Variants in SLC1A7 observed in about 807,000 individuals in gnomAD.
SLC1A7 encodes solute carrier family 1 member 7, also known as excitatory amino acid transporter 5.
SLC1A7 carries 40 observed loss-of-function variants against 47.7 expected under a neutral mutation model. The observed-to-expected ratio is 0.84, with a 90% CI of 0.65 to 1.09. SLC1A7 has a LOEUF of 1.09. Among genes scored for constraint, SLC1A7 ranks in the 50% least tolerant of loss-of-function variants. SLC1A7 has a pLI of 0.00. For synonymous variants in SLC1A7, 323 were observed against 325.6 expected, an observed-to-expected ratio of 0.99 and a Z score of 0.09; for missense variants, 746 against 769.5, an observed-to-expected ratio of 0.97 and a Z score of 0.36.
At chr1:53,122,822 G>A (rs1679977) in intron 2 of SLC1A7, among the ~76,000 whole-genome samples, 44,282 of 152,022 alleles carry the variant, frequency 0.29, 7,076 homozygotes, top group Non-Finnish European at 0.37. Context: ...AATGAAATCC[G>A]CCTCCGGGGA....
intron 5 of SLC1A7, among the ~76,000 whole-genome samples, chr1:53,099,492 C>T (rs987138843): frequency 2.0e-5 from 3 of 150,012 alleles, no homozygotes; most frequent in Admixed American, 6.6e-5. Flanking sequence ...TACACTCAAC[C>T]GCCTCAGTAC....
At chr1:53,092,907 G>A (rs1303025461) in intron 6 of SLC1A7, 120 bp from the exon 7 acceptor site, 17 of 554,894 alleles carry the variant, frequency 3.1e-5, no homozygotes, top group Non-Finnish European at 4.9e-5. Flanking sequence ...AGGACAGAGC[G>A]AGACTGCCAA....
intron 2 of SLC1A7, among the ~76,000 whole-genome samples, chr1:53,129,406 C>T (rs1644915849): frequency 6.6e-6 from 1 of 152,154 alleles, no homozygotes. Context: ...GCCCTGTAGC[C>T]TTTGCAGATT....
intron 3 of SLC1A7, among the ~76,000 whole-genome samples, chr1:53,106,599 C>CA (rs5774135): frequency 0.75 from 103,558 of 137,430 alleles, 41,160 homozygotes; most frequent in Non-Finnish European, 0.91. Context: ...GACACCGTCT[C>CA]AAAAAAAAAA....
intron 5 of SLC1A7, among the ~76,000 whole-genome samples, chr1:53,097,935 CGGT>C (rs1644517316): frequency 5.1e-5 from 2 of 39,430 alleles, no homozygotes; most frequent in Non-Finnish European, 3.4e-4. Context: ...CACCCCACCT[CGGT>C]ACACTCACAC....
At chr1:53,123,962 C>A (rs982628797) in intron 2 of SLC1A7, among the ~76,000 whole-genome samples, 4 of 152,220 alleles carry the variant, frequency 2.6e-5, no homozygotes, top group Non-Finnish European at 5.9e-5. Context: ...ACCGGTTTGG[C>A]CCTCTGGCCA....
At position 53,087,441 on chromosome 1, in the gene SLC1A7, C is replaced by A. The variant is rs572322392; in HGVS notation, c.*568G>T. On this transcript the variant is annotated 3_prime_UTR_variant, in exon 11 of 11. Coordinates refer to ENST00000371494, the MANE Select transcript of SLC1A7 (RefSeq NM_006671.6). Reference sequence around the variant, plus strand: ...GACATCTGTCTCCACATCCAAGGAGCTTTGCAAAAGACACGTGGCAGGACA... The same window carrying A: ...GACATCTGTCTCCACATCCAAGGAGATTTGCAAAAGACACGTGGCAGGACA... 2.0e-5 allele frequency: 3 copies of A among 152,442 alleles called. No homozygotes were observed. The highest frequency in any genetic ancestry group is 7.2e-5 in the African/African-American group (3 of 41,600). The allele number at this position is 152,442 out of a possible 1,614,324, so 9.4% of individuals were successfully genotyped here. A position where few individuals can be genotyped will look rare whatever the true frequency, so the allele number is the denominator to read the frequency against.
At chr1:53,098,392 ACACT>A (rs1421540676) in intron 5 of SLC1A7, among the ~76,000 whole-genome samples, 1 of 150,738 alleles carries the variant, frequency 6.6e-6, no homozygotes, top group African/African-American at 2.5e-5. Context: ...CCACCTTGGT[ACACT>A]CACACACTCC....
intron 5 of SLC1A7, among the ~76,000 whole-genome samples, chr1:53,100,626 C>T (rs1382782142): frequency 6.6e-6 from 1 of 151,134 alleles, no homozygotes; most frequent in African/African-American, 2.4e-5. Flanking sequence ...ACTCACACAA[C>T]CCGTCTCGGT....
chr1:53,090,008 G>A, intron 8 of SLC1A7, 74 bp from the exon 9 acceptor site: 1 of 1,547,896 alleles, frequency 6.5e-7, no homozygotes, highest in Non-Finnish European at 8.9e-7. Flanking sequence ...CTCCAAGGAA[G>A]AGGTTGAGTG....
At chr1:53,092,302 C>T (rs938235144) in intron 7 of SLC1A7, among the ~76,000 whole-genome samples, 3 of 152,264 alleles carry the variant, frequency 2.0e-5, no homozygotes, top group African/African-American at 4.8e-5. Context: ...TCTGCCCTGG[C>T]GCGTCGAGGC....
rs371777631 is a variant in SLC1A7 at position 53,141,897 on chromosome 1, C to T, written c.135+418G>A. ...GGCCTGCTGGCCTCTGCGCTCCGGC[C>T]GCTGCACCTGGCATCTGCTGTCACC... On this transcript the variant is annotated intron_variant, in intron 1 of 10. Transcript: ENST00000371494. Among the ~76,000 whole-genome samples the T allele has an allele frequency of 5.3e-5, 8 of 152,306 alleles. No individual in the cohort carries two copies. The East Asian group carries it at 1.5e-3, about 29-fold the overall frequency.
rs1644374579 is a variant in SLC1A7 at position 53,087,713 on chromosome 1, A to G, written c.*296T>C. ...TCAGAGCCTCAAGTCTGTCATCCAG[A>G]AAGTGGGGCCGGATAACCCCTGCCT... is the stretch of plus-strand genomic sequence containing the variant. On this transcript the variant is annotated 3_prime_UTR_variant, in exon 11 of 11. Coordinates refer to ENST00000371494, the MANE Select transcript of SLC1A7 (RefSeq NM_006671.6). 7.5e-6 allele frequency: 2 copies of G among 265,620 alleles called. No individual in the cohort carries two copies. The highest frequency in any genetic ancestry group is 1.7e-4 in the South Asian group (1 of 5,956). 16.5% of individuals were successfully genotyped at this position (265,620 alleles called of 1,614,324 possible).
At chr1:53,101,742 C>T (rs1260475644) in intron 5 of SLC1A7, among the ~76,000 whole-genome samples, 1 of 151,724 alleles carries the variant, frequency 6.6e-6, no homozygotes, top group Non-Finnish European at 1.5e-5. Context: ...TACACTCATA[C>T]ACCCTGCCTC....
chr1:53,096,617 CCACTT>C (rs937473401), intron 5 of SLC1A7, among the ~76,000 whole-genome samples: 2 of 150,316 alleles, frequency 1.3e-5, no homozygotes, highest in Non-Finnish European at 3.0e-5. Flanking sequence ...AACTTACACA[CCACTT>C]CAGTACACAT....
At chr1:53,089,084 T>C (rs2150312816) in intron 9 of SLC1A7, 105 bp from the exon 10 acceptor site, 1 of 882,598 alleles carries the variant, frequency 1.1e-6, no homozygotes, top group East Asian at 2.6e-5. Context: ...CCAGCTGTCA[T>C]GCAAAGCCTG....
At chr1:53,098,221 A>G (rs1258519158) in intron 5 of SLC1A7, among the ~76,000 whole-genome samples, 2 of 150,428 alleles carry the variant, frequency 1.3e-5, no homozygotes, top group East Asian at 3.9e-4. Flanking sequence ...ACCTTGGTAC[A>G]CTCACATGCC....
At chr1:53,134,921 A>C (rs758146083) in intron 1 of SLC1A7, among the ~76,000 whole-genome samples, 2 of 151,680 alleles carry the variant, frequency 1.3e-5, no homozygotes, top group Non-Finnish European at 2.9e-5. Context: ...AAGTTATGTG[A>C]ATGTGGTCTC....
At chr1:53,119,428 A>G (rs1257585521) in intron 2 of SLC1A7, among the ~76,000 whole-genome samples, 3 of 152,298 alleles carry the variant, frequency 2.0e-5, no homozygotes, top group African/African-American at 7.2e-5. Context: ...GGCTCACTGC[A>G]GCCTTGACCT....
Sources: allele counts gnomAD v4.1 joint callset (sites outside exome capture counted in the v4.1 genomes callset), GRCh38; gene constraint gnomAD v4.1.1; transcripts MANE v1.5; gene names NCBI Gene and HGNC (gene_info 2026-07-23, HGNC 2026-07-21).